SLC24A3: variants seen among roughly 807,000 people sequenced by gnomAD.
SLC24A3 encodes the protein sodium/potassium/calcium exchanger 3.
A neutral mutation model predicts 75.8 loss-of-function variants in SLC24A3; 28 were observed. That is an observed-to-expected ratio of 0.37 (90% CI 0.27 to 0.51). The LOEUF (loss-of-function observed/expected upper bound fraction) is 0.51, where lower values mean the gene tolerates loss of function less well. Among genes scored for constraint, SLC24A3 ranks in the 20% least tolerant of loss-of-function variants. The pLI, the probability that SLC24A3 is intolerant of heterozygous loss-of-function variation, is 0.94. For synonymous variants in SLC24A3, 372 were observed against 334.1 expected (o/e 1.11, Z -1.24); for missense variants, 663 against 847.8 (o/e 0.78, Z 2.71).
chr20:19,496,464 C>T (rs995079433), intron 2 of SLC24A3, among the ~76,000 whole-genome samples: 1 of 152,206 alleles, frequency 6.6e-6, no homozygotes, highest in African/African-American at 2.4e-5. Flanking sequence ...GCCCACCCTC[C>T]AGCCTGCACT....
intron 13 of SLC24A3, 192 bp from the exon 14 acceptor site, chr20:19,696,605 C>T (rs1446617592): frequency 8.3e-6 from 4 of 482,608 alleles, no homozygotes; most frequent in Non-Finnish European, 1.5e-5. Context: ...ATTACAGCAC[C>T]GTCCCCTGAC....
intron 8 of SLC24A3, 119 bp from the exon 9 acceptor site, chr20:19,673,482 C>G: frequency 1.3e-6 from 1 of 795,020 alleles, no homozygotes. Flanking sequence ...CGTCACCTAG[C>G]ACCGTCTGCC....
chr20:19,522,976 A>G (rs374607242), intron 3 of SLC24A3, among the ~76,000 whole-genome samples: 5 of 152,160 alleles, frequency 3.3e-5, no homozygotes, highest in Middle Eastern at 3.2e-3. Context: ...ATTATTAACT[A>G]TAAAAAAGGA....
At chr20:19,328,910 G>A (rs940257443) in intron 2 of SLC24A3, among the ~76,000 whole-genome samples, 1 of 152,210 alleles carries the variant, frequency 6.6e-6, no homozygotes, top group Admixed American at 6.5e-5. Flanking sequence ...CAGGCTCTGC[G>A]AGGAGCCAGC....
chr20:19,647,801 A>G (rs755102100), intron 6 of SLC24A3, among the ~76,000 whole-genome samples: 9 of 152,226 alleles, frequency 5.9e-5, no homozygotes, highest in East Asian at 1.9e-4. Context: ...AGATTATTCT[A>G]TGTCTGCACT....
chr20:19,355,444 A>AACAAG (rs1225708223), intron 2 of SLC24A3, among the ~76,000 whole-genome samples: 1 of 152,202 alleles, frequency 6.6e-6, no homozygotes, highest in Admixed American at 6.5e-5. Flanking sequence ...TGCTAAGATA[A>AACAAG]ACAAGTGCAA....
chr20:19,590,724 A>T (rs1441571604), intron 6 of SLC24A3, among the ~76,000 whole-genome samples: 5 of 152,188 alleles, frequency 3.3e-5, no homozygotes, highest in African/African-American at 1.2e-4. Context: ...CATCACACCC[A>T]GTAAAACTGG....
chr20:19,570,959 T>C (rs1348243885), intron 3 of SLC24A3, among the ~76,000 whole-genome samples: 1 of 152,092 alleles, frequency 6.6e-6, no homozygotes, highest in Non-Finnish European at 1.5e-5. Context: ...GAGGTCTCCA[T>C]AGAAGGGGAT....
At chr20:19,692,820 C>A (rs923797910) in intron 12 of SLC24A3, among the ~76,000 whole-genome samples, 4 of 152,294 alleles carry the variant, frequency 2.6e-5, no homozygotes, top group Middle Eastern at 3.4e-3. Flanking sequence ...CGTCCGCTGA[C>A]GCTTTATTAT....
rs142703193 is a variant in SLC24A3, at chr20:19,632,247, T to C, written c.613-21815T>C. ...GTGTATTAGCTTCCTATCACCTCTA[T>C]CACAAATTACCATGAACTTAGTGGC... On this transcript the variant is annotated intron_variant, in intron 6 of 16. Transcript: ENST00000328041. Among the ~76,000 whole-genome samples the C allele has an allele frequency of 7.2e-5, 11 of 152,310 alleles. No individual in the cohort carries two copies. The East Asian group carries it at 2.1e-3, about 29-fold the overall frequency.
intron 6 of SLC24A3, among the ~76,000 whole-genome samples, chr20:19,638,599 C>A (rs2122694257): frequency 6.6e-6 from 1 of 152,190 alleles, no homozygotes; most frequent in African/African-American, 2.4e-5. Context: ...GTGTTCTAAA[C>A]CTGTTACATA....
At chr20:19,286,092 C>T (rs1331082976) in intron 2 of SLC24A3, among the ~76,000 whole-genome samples, 1 of 152,156 alleles carries the variant, frequency 6.6e-6, no homozygotes, top group Non-Finnish European at 1.5e-5. Flanking sequence ...AAAGGATCAT[C>T]CCACTCTGTC....
chr20:19,486,296 G>A lies in SLC24A3; in HGVS notation c.272-29192G>A, dbSNP rs377638812. Among the ~76,000 whole-genome samples, 16 of 152,284 alleles carry A rather than the reference G, an allele frequency of 1.1e-4. No individual in the cohort carries two copies. In the South Asian group the frequency reaches 2.7e-3, roughly 26 times the overall value. On this transcript the variant is annotated intron_variant, in intron 2 of 16. Coordinates refer to ENST00000328041, the MANE Select transcript of SLC24A3 (RefSeq NM_020689.4). Reference sequence around the variant, plus strand: ...AGAAAAACTGATCACTGTTTGCCAAGGATTAGGAGTTAACTACCAGAGAAT... The same window carrying A: ...AGAAAAACTGATCACTGTTTGCCAAAGATTAGGAGTTAACTACCAGAGAAT...
chr20:19,289,715 C>G (rs1489333098), intron 2 of SLC24A3, among the ~76,000 whole-genome samples: 1 of 150,624 alleles, frequency 6.6e-6, no homozygotes, highest in Non-Finnish European at 1.5e-5. Flanking sequence ...TCTCTACTCC[C>G]TGGGGTTCAC....
chr20:19,634,124 C>G (rs1450518118), intron 6 of SLC24A3, among the ~76,000 whole-genome samples: 1 of 152,142 alleles, frequency 6.6e-6, no homozygotes, highest in East Asian at 1.9e-4. Flanking sequence ...CATCGCCAGT[C>G]AAAGGGGAAG....
intron 2 of SLC24A3, among the ~76,000 whole-genome samples, chr20:19,435,351 T>C (rs3790204): frequency 0.027 from 4,169 of 152,340 alleles, 165 homozygotes; most frequent in East Asian, 0.1. Context: ...ATCTTCAGTA[T>C]ATGTTTTACA....
At chr20:19,567,765 T>A (rs2030983639) in intron 3 of SLC24A3, among the ~76,000 whole-genome samples, 2 of 151,796 alleles carry the variant, frequency 1.3e-5, no homozygotes, top group Admixed American at 6.6e-5. Flanking sequence ...CACATTAGAG[T>A]GGCTGAAAAA....
intron 2 of SLC24A3, among the ~76,000 whole-genome samples, chr20:19,357,346 C>T (rs1280576682): frequency 2.0e-5 from 3 of 152,140 alleles, no homozygotes; most frequent in African/African-American, 7.2e-5. Flanking sequence ...TTTTAAGGGA[C>T]ACAGTTTGGG....
intron 3 of SLC24A3, among the ~76,000 whole-genome samples, chr20:19,571,845 T>A (rs2031056929): frequency 6.6e-6 from 1 of 152,070 alleles, no homozygotes; most frequent in African/African-American, 2.4e-5. Flanking sequence ...TTTCTGAGAG[T>A]GGCCCATTTT....
Sources: allele counts gnomAD v4.1 joint callset (sites outside exome capture counted in the v4.1 genomes callset), GRCh38; gene constraint gnomAD v4.1.1; transcripts MANE v1.5; gene names NCBI Gene and HGNC (gene_info 2026-07-23, HGNC 2026-07-21).